Variants in NOTCH2NLC observed in about 807,000 individuals in gnomAD.
The protein encoded by NOTCH2NLC is notch 2 N-terminal like C.
Under a neutral mutation model 17.7 loss-of-function variants are expected in NOTCH2NLC, and 4 were observed. That is an observed-to-expected ratio of 0.23 (90% CI 0.11 to 0.52). NOTCH2NLC has a LOEUF of 0.52. Among genes scored for constraint, NOTCH2NLC ranks in the 20% least tolerant of loss-of-function variants. The pLI is 0.96. For missense variants in NOTCH2NLC, 57 were observed against 207.2 expected (o/e 0.28, Z 4.45); for synonymous variants, 18 against 86.0 (o/e 0.21, Z 4.38).
intron 1 of NOTCH2NLC, among the ~76,000 whole-genome samples, chr1:149,423,573 C>A (rs1235428204): frequency 2.0e-5 from 3 of 147,768 alleles, no homozygotes; most frequent in Non-Finnish European, 4.5e-5. Context: ...CTTCCAGAGG[C>A]CATGTGCCAG....
rs1559607141 is a variant in NOTCH2NLC, at chr1:149,429,053, A to AAT, written c.136-1889_136-1888insAT. ...TTATAGTTGTTGCATTGGGCTTATCAGTGTGGGAAGAGGGAGCATTTGAGC... is the reference window on the plus strand; with the variant it reads ...TTATAGTTGTTGCATTGGGCTTATCAATGTGTGGGAAGAGGGAGCATTTGAGC... On this transcript the variant is annotated intron_variant, in intron 1 of 4. Coordinates refer to ENST00000650865, the MANE Select transcript of NOTCH2NLC (RefSeq NM_001364013.2). Among the ~76,000 whole-genome samples, 107 of 144,726 alleles carry AAT rather than the reference A, an allele frequency of 7.4e-4. 4 individuals carry two copies. Among genetic ancestry groups the AAT allele is most frequent in the Middle Eastern group, 3.6e-3 (1 of 280 alleles). 94.9% of individuals were successfully genotyped at this position (144,726 alleles called of 152,430 possible).
chr1:149,462,188 A>C (rs1223971471), intron 3 of NOTCH2NLC, among the ~76,000 whole-genome samples: 1 of 149,582 alleles, frequency 6.7e-6, no homozygotes, highest in Middle Eastern at 3.2e-3. Context: ...ATAATAAGCG[A>C]CTTAGACTAA....
intron 1 of NOTCH2NLC, among the ~76,000 whole-genome samples, chr1:149,429,257 A>T (rs2084430453): frequency 6.6e-6 from 1 of 150,984 alleles, no homozygotes; most frequent in African/African-American, 2.4e-5. Flanking sequence ...GCGATGCCCC[A>T]TAAAGAGGCC....
rs2084435556 is a variant in NOTCH2NLC at position 149,429,839 on chromosome 1, T to G, written c.136-1103T>G. On this transcript the variant is annotated intron_variant, in intron 1 of 4. Coordinates refer to ENST00000650865, the MANE Select transcript of NOTCH2NLC (RefSeq NM_001364013.2). ...TAGAGGAAACTTGGAGGGGGGAACT[T>G]CTCAGTTTTGCTTTCAGGTATTTAT... Among the ~76,000 whole-genome samples the G allele has an allele frequency of 6.0e-5, 9 of 150,174 alleles. No individual in the cohort carries two copies. In the South Asian group the frequency reaches 1.7e-3, roughly 28 times the overall value.
chr1:149,401,349 AG>A (rs2084245367), intron 1 of NOTCH2NLC, among the ~76,000 whole-genome samples: 1 of 119,500 alleles, frequency 8.4e-6, no homozygotes, highest in Non-Finnish European at 1.8e-5. Flanking sequence ...TAGCATGAAG[AG>A]ACCTGGGGAA....
intron 2 of NOTCH2NLC, among the ~76,000 whole-genome samples, chr1:149,447,461 GTAC>G (rs1346770609): frequency 1.0e-4 from 14 of 138,030 alleles, no homozygotes; most frequent in Non-Finnish European, 1.9e-4. Flanking sequence ...TGGGGTTTAG[GTAC>G]TCAGGTATTC....
At chr1:149,459,217 GAGTA>G (rs1454172437) in intron 3 of NOTCH2NLC, among the ~76,000 whole-genome samples, 2 of 148,894 alleles carry the variant, frequency 1.3e-5, no homozygotes, top group Admixed American at 6.7e-5. Context: ...CCCATATCCA[GAGTA>G]AGTGTTTATT....
chr1:149,428,753 A>C (rs1203164916), intron 1 of NOTCH2NLC, among the ~76,000 whole-genome samples: 2 of 147,890 alleles, frequency 1.4e-5, no homozygotes, highest in African/African-American at 4.9e-5. Context: ...CTTTGCTTGC[A>C]GTTAGGGGTA....
At chr1:149,429,476 GA>G (rs2084431989) in intron 1 of NOTCH2NLC, among the ~76,000 whole-genome samples, 1 of 150,146 alleles carries the variant, frequency 6.7e-6, no homozygotes, top group African/African-American at 2.5e-5. Context: ...TGGGTATAAT[GA>G]AATTTACTTC....
intron 1 of NOTCH2NLC, among the ~76,000 whole-genome samples, chr1:149,413,723 C>T (rs1264011316): frequency 3.3e-5 from 5 of 150,922 alleles, no homozygotes; most frequent in South Asian, 2.1e-4. Context: ...TTCTCAGCCT[C>T]GTTTTCTTTT....
intron 2 of NOTCH2NLC, among the ~76,000 whole-genome samples, chr1:149,441,040 CAGAG>C (rs1164898522): frequency 1.3e-5 from 2 of 150,644 alleles, no homozygotes; most frequent in Non-Finnish European, 1.5e-5. Flanking sequence ...TTCTACCAGA[CAGAG>C]AGGCGGTAGG....
rs1414279758 is a variant in NOTCH2NLC at position 149,471,675 on chromosome 1, A to G, written c.*7522A>G. Among the ~76,000 whole-genome samples the G allele has an allele frequency of 6.7e-6, 1 of 149,950 alleles. No individual in the cohort carries two copies. On this transcript the variant is annotated 3_prime_UTR_variant, in exon 5 of 5. Coordinates refer to ENST00000650865, the MANE Select transcript of NOTCH2NLC (RefSeq NM_001364013.2). ...AGGTACAGGCATGCTTTTTGGCATT[A>G]TGAAAATATTCTGGAATTAGGTAGT...
intron 3 of NOTCH2NLC, among the ~76,000 whole-genome samples, chr1:149,462,917 C>A (rs1330860995): frequency 7.2e-6 from 1 of 138,560 alleles, no homozygotes. Flanking sequence ...CTCACTGCAA[C>A]CTCCGCCTCC....
rs1467812032 is a variant in NOTCH2NLC, at chr1:149,414,558, G to A, written c.136-16384G>A. Reference sequence around the variant, plus strand: ...AGAAAAACATTTTTAAAGCATGAACGGTTCCTCAAGTAAATACATATTTAT... The same window carrying A: ...AGAAAAACATTTTTAAAGCATGAACAGTTCCTCAAGTAAATACATATTTAT... On this transcript the variant is annotated intron_variant, in intron 1 of 4. Coordinates refer to ENST00000650865, the MANE Select transcript of NOTCH2NLC (RefSeq NM_001364013.2). Among the ~76,000 whole-genome samples the A allele has an allele frequency of 1.9e-4, 28 of 151,042 alleles. 1 individual carries two copies. The highest frequency in any genetic ancestry group is 4.1e-4 in the Non-Finnish European group (28 of 67,572).
intron 2 of NOTCH2NLC, among the ~76,000 whole-genome samples, chr1:149,454,552 C>T (rs1243344579): frequency 6.7e-6 from 1 of 149,540 alleles, no homozygotes; most frequent in East Asian, 2.0e-4. Flanking sequence ...TCAATTGATT[C>T]CTTCCTTCAC....
intron 1 of NOTCH2NLC, among the ~76,000 whole-genome samples, chr1:149,394,385 C>T (rs1387650780): frequency 2.0e-5 from 3 of 151,102 alleles, no homozygotes; most frequent in Non-Finnish European, 4.4e-5. Flanking sequence ...CAGTGTTTAA[C>T]ACTTCTGACT....
chr1:149,463,191 T>C (rs2084661458), intron 3 of NOTCH2NLC, among the ~76,000 whole-genome samples: 1 of 150,476 alleles, frequency 6.6e-6, no homozygotes, highest in Non-Finnish European at 1.5e-5. Context: ...AGAGAGTAGA[T>C]GGATCCAGAC....
At chr1:149,423,514 T>A (rs1423618027) in intron 1 of NOTCH2NLC, among the ~76,000 whole-genome samples, 2 of 149,094 alleles carry the variant, frequency 1.3e-5, no homozygotes, top group Non-Finnish European at 3.0e-5. Context: ...TTGGTAATAA[T>A]GCAGGCAGTC....
chr1:149,454,248 A>G (rs1464061767), intron 2 of NOTCH2NLC, among the ~76,000 whole-genome samples: 466 of 13,246 alleles, frequency 0.035, 8 homozygotes, highest in Middle Eastern at 0.085. Flanking sequence ...CCTGAAAACT[A>G]AAACGAGGAA....
Sources: allele counts gnomAD v4.1 joint callset (sites outside exome capture counted in the v4.1 genomes callset), GRCh38; gene constraint gnomAD v4.1.1; transcripts MANE v1.5; gene names NCBI Gene and HGNC (gene_info 2026-07-23, HGNC 2026-07-21).